ZNF599: variants seen among roughly 807,000 people sequenced by gnomAD.
The protein encoded by ZNF599 is zinc finger protein 599.
In ZNF599, 10 loss-of-function variants were observed where a neutral mutation model predicts 11.7. That is an observed-to-expected ratio of 0.86 (90% confidence interval 0.53 to 1.45). ZNF599 has a LOEUF of 1.45. Among genes scored for constraint, ZNF599 ranks in the 40% most tolerant of loss-of-function variants. The pLI is 0.00. For missense variants in ZNF599, 688 were observed against 713.6 expected (o/e 0.96, Z 0.41); for synonymous variants, 232 against 253.2 (o/e 0.92, Z 0.79).
the ZNF599 span, among the ~76,000 whole-genome samples, chr19:34,800,582 C>CTTTT: frequency 1.9e-3 from 143 of 73,786 alleles, 2 homozygotes; most frequent in African/African-American, 6.4e-3. Context: ...CTAGCATTTC[C>CTTTT]TTTGTTTTTT....
the ZNF599 span, among the ~76,000 whole-genome samples, chr19:34,792,421 T>TCA: frequency 6.6e-6 from 1 of 152,182 alleles, no homozygotes; most frequent in Non-Finnish European, 1.5e-5. Context: ...AATTGACTGA[T>TCA]GCCTGACTTT....
At chr19:34,786,453 G>A in the ZNF599 span, among the ~76,000 whole-genome samples, 7 of 149,568 alleles carry the variant, frequency 4.7e-5, no homozygotes, top group East Asian at 5.8e-4. Flanking sequence ...TTTAACAAGC[G>A]TCATGATTTT....
rs983866813 is a variant in ZNF599, at chr19:34,758,157, A to C, written c.*877T>G. ...TAAAGTGTCTTTAAACAAACAAACA[A>C]ACAAATACCCATAGAAGAAGGTTAT... On this transcript the variant is annotated 3_prime_UTR_variant, in exon 4 of 4. Transcript: ENST00000329285. The C allele has an allele frequency of 1.3e-5, 2 of 152,212 alleles. No homozygotes were observed. The highest frequency in any genetic ancestry group is 1.3e-4 in the Admixed American group (2 of 15,288). 9.4% of individuals were successfully genotyped at this position (152,212 alleles called of 1,614,324 possible).
chr19:34,765,446 T>G (rs928637118), intron 3 of ZNF599: 11 of 647,640 alleles, frequency 1.7e-5, no homozygotes, highest in Non-Finnish European at 2.2e-5. Context: ...CCAGCTAAGC[T>G]GTGCCTGGAC....
chr19:34,772,752 G>T, intron 1 of ZNF599, 72 bp downstream of exon 1: 1 of 1,532,922 alleles, frequency 6.5e-7, no homozygotes, highest in African/African-American at 1.4e-5. Context: ...CCCGGCATCC[G>T]CCGTATTACA....
At chr19:34,800,586 G>GTTTTTGT in the ZNF599 span, among the ~76,000 whole-genome samples, 1 of 112,978 alleles carries the variant, frequency 8.9e-6, no homozygotes, top group African/African-American at 3.4e-5. Context: ...CATTTCCTTT[G>GTTTTTGT]TTTTTTTTTT....
Position 34,759,040 on chromosome 19 carries a change from T to C in ZNF599, c.1761A>G (p.Arg587=). 1 of 1,606,532 alleles carries C rather than the reference T, an allele frequency of 6.2e-7. No individual in the cohort carries two copies. Residue 587 remains arginine (R), a synonymous_variant, in exon 4 of 4, where the codon AGA becomes AGG. Transcript: ENST00000329285. The part of the protein sequence containing the change: ...SFTHHRKIHT[R]V ...ATAGGCCTTCCTGTATCTTTTAAAC[T>C]CTGGTATGAATCTTTCGATGGTGAG...
At chr19:34,772,461 T>A in intron 1 of ZNF599, 1 of 1,125,410 alleles carries the variant, frequency 8.9e-7, no homozygotes, top group Admixed American at 4.8e-5. Flanking sequence ...CCTAGAGTGA[T>A]GCTCTCCGAG....
At chr19:34,771,802 G>C (rs962606448) in intron 1 of ZNF599, among the ~76,000 whole-genome samples, 1 of 152,128 alleles carries the variant, frequency 6.6e-6, no homozygotes, top group African/African-American at 2.4e-5. Flanking sequence ...GAATAGTTTT[G>C]GGCCTGGGGA....
In ZNF599 at chr19:34,772,900, C is replaced by A; in HGVS notation, c.-59G>T. 7.1e-7 allele frequency: 1 copy of A among 1,402,118 alleles called. No individual in the cohort carries two copies. The allele number at this position is 1,402,118 out of a possible 1,614,324, so 86.9% of individuals were successfully genotyped here. A position where few individuals can be genotyped will look rare whatever the true frequency, so the allele number is the denominator to read the frequency against. ...GGCGAGGAAGCCGGTCCTGCGGGCT[C>A]GGCCGACCCCGGGCTCCGGCTCTGG... On this transcript the variant is annotated 5_prime_UTR_variant, in exon 1 of 4. Transcript: ENST00000329285.
At chr19:34,788,067 T>C in the ZNF599 span, among the ~76,000 whole-genome samples, 1 of 152,220 alleles carries the variant, frequency 6.6e-6, no homozygotes, top group Non-Finnish European at 1.5e-5. Flanking sequence ...ACTTACATTG[T>C]ATTGGGTATT....
Position 34,759,215 on chromosome 19 carries a change from T to C in ZNF599, c.1586A>G (p.His529Arg). 6.2e-7 allele frequency: 1 copy of C among 1,614,212 alleles called. No individual in the cohort carries two copies. The stretch of plus-strand genomic sequence containing the variant: ...GCATTCAAAAGGTTTTTCTCCAGTG[T>C]GGATCCTATTATGCCGAACAAAATT... ...PANFVRHNRI[H>R]TGEKPFECKE... The change falls in exon 4 of 4, where the codon CAC becomes CGC. Residue 529 changes from histidine to arginine, a missense_variant. Transcript: ENST00000329285.
chr19:34,779,563 G>A, the ZNF599 span: 1 of 436,976 alleles, frequency 2.3e-6, no homozygotes, highest in Non-Finnish European at 4.6e-6. Context: ...CAGAGTAGTA[G>A]CTGTCAAATT....
intron 2 of ZNF599, among the ~76,000 whole-genome samples, 165 bp downstream of exon 2, chr19:34,769,264 A>G (rs1013543533): frequency 6.6e-6 from 1 of 152,218 alleles, no homozygotes; most frequent in Non-Finnish European, 1.5e-5. Flanking sequence ...ACAATCTTTG[A>G]TTGAGACACA....
At chr19:34,800,194 T>C in the ZNF599 span, among the ~76,000 whole-genome samples, 1 of 152,240 alleles carries the variant, frequency 6.6e-6, no homozygotes, top group Admixed American at 6.5e-5. Context: ...GTTATGTACA[T>C]ACACATTAAG....
chr19:34,767,041 C>A, intron 3 of ZNF599: 1 of 362,348 alleles, frequency 2.8e-6, no homozygotes, highest in South Asian at 7.1e-5. Flanking sequence ...ACTTATATAC[C>A]AAAGGCACAG....
chr19:34,797,827 C>A, the ZNF599 span, among the ~76,000 whole-genome samples: 1 of 152,176 alleles, frequency 6.6e-6, no homozygotes, highest in Non-Finnish European at 1.5e-5. Flanking sequence ...TGAAACTAGA[C>A]AACCAGTTAG....
At chr19:34,769,133 T>C (rs766119529) in intron 2 of ZNF599, among the ~76,000 whole-genome samples, 2 of 152,182 alleles carry the variant, frequency 1.3e-5, no homozygotes, top group African/African-American at 4.8e-5. Flanking sequence ...GTGAGGACAT[T>C]TGACTCAACC....
the ZNF599 span, among the ~76,000 whole-genome samples, chr19:34,803,188 A>C: frequency 6.6e-6 from 1 of 152,156 alleles, no homozygotes; most frequent in South Asian, 2.1e-4. Flanking sequence ...CTGCTTGGGA[A>C]GAGGATAGGA....
Sources: allele counts gnomAD v4.1 joint callset (sites outside exome capture counted in the v4.1 genomes callset), GRCh38; gene constraint gnomAD v4.1.1; transcripts MANE v1.5; gene names NCBI Gene and HGNC (gene_info 2026-07-23, HGNC 2026-07-21).